Variants in NTNG2 observed in about 807,000 individuals in gnomAD.
NTNG2 encodes netrin G2, also known as netrin-G2.
A neutral mutation model predicts 47.6 loss-of-function variants in NTNG2; 15 were observed. The ratio of observed to expected loss-of-function variants is 0.32; its 90% CI spans 0.21 to 0.49. NTNG2 has a LOEUF of 0.49. Among genes scored for constraint, NTNG2 ranks in the 20% least tolerant of loss-of-function variants. NTNG2 has a pLI of 0.99. For synonymous variants in NTNG2, 307 were observed against 324.6 expected (o/e 0.95, Z 0.58); for missense variants, 578 against 764.6 (o/e 0.76, Z 2.88).
At chr9:132,192,658 G>A (rs1249701634) in intron 2 of NTNG2, among the ~76,000 whole-genome samples, 1 of 152,124 alleles carries the variant, frequency 6.6e-6, no homozygotes, top group Non-Finnish European at 1.5e-5. Flanking sequence ...GTTTGTAGAG[G>A]AAAAGGAAGG....
Position 132,218,925 on chromosome 9 carries a change from C to A in NTNG2, c.858-7924C>A, listed in dbSNP as rs1448744982. Among the ~76,000 whole-genome samples, 2 of 152,254 alleles carry A rather than the reference C, an allele frequency of 1.3e-5. No individual in the cohort carries two copies. Among genetic ancestry groups the A allele is most frequent in the African/African-American group, 4.8e-5 (2 of 41,472 alleles). ...CACATCCCGATCATTCATTCACTCA[C>A]AGCTTTACCCAGATGTGATTCACAC... is the stretch of plus-strand genomic sequence containing the variant. On this transcript the variant is annotated intron_variant, in intron 3 of 7. Transcript: ENST00000393229. This position sits in a 1 kb window ranked among gnomAD's most constrained non-coding sequence, Gnocchi z 5.4.
chr9:132,167,112 G>A, intron 2 of NTNG2, 68 bp downstream of exon 2: 3 of 1,543,994 alleles, frequency 1.9e-6, no homozygotes, highest in Admixed American at 3.6e-5. Flanking sequence ...AGATCCTTGG[G>A]GTGGACGAGC....
intron 5 of NTNG2, among the ~76,000 whole-genome samples, chr9:132,238,624 G>A (rs1019357763): frequency 3.3e-5 from 5 of 152,244 alleles, no homozygotes; most frequent in African/African-American, 1.2e-4. Flanking sequence ...CTGGCCCATT[G>A]CATCTTGTCC....
intron 2 of NTNG2, among the ~76,000 whole-genome samples, chr9:132,195,332 A>G (rs1838203301): frequency 6.6e-6 from 1 of 151,948 alleles, no homozygotes; most frequent in Non-Finnish European, 1.5e-5. Context: ...TTTTTGAGAC[A>G]AAGTCTCGCT....
intron 3 of NTNG2, among the ~76,000 whole-genome samples, chr9:132,207,304 G>A (rs1839237911): frequency 6.6e-6 from 1 of 152,214 alleles, no homozygotes; most frequent in African/African-American, 2.4e-5. Flanking sequence ...TCTGAAATCA[G>A]GGTGCAGCTG....
chr9:132,194,273 T>A (rs1838112198), intron 2 of NTNG2, among the ~76,000 whole-genome samples: 1 of 152,010 alleles, frequency 6.6e-6, no homozygotes, highest in Admixed American at 6.6e-5. Context: ...CCATCACTCC[T>A]CCTCCCGAGC....
chr9:132,189,064 C>CTTTTT (rs1179386814), intron 2 of NTNG2, among the ~76,000 whole-genome samples: 2 of 61,752 alleles, frequency 3.2e-5, no homozygotes, highest in African/African-American at 8.6e-5. Context: ...GGCTTTAAGC[C>CTTTTT]TTTCTTTTTT....
intron 2 of NTNG2, among the ~76,000 whole-genome samples, chr9:132,189,068 C>CTTTTTTTTTTTTTTT (rs749756559): frequency 0.043 from 3,985 of 93,214 alleles, 701 homozygotes; most frequent in Non-Finnish European, 0.052. Context: ...TTAAGCCTTT[C>CTTTTTTTTTTTTTTT]TTTTTTTTTT....
Position 132,179,935 on chromosome 9 carries a change from G to A in NTNG2, c.213+12891G>A, listed in dbSNP as rs146064838. Among the ~76,000 whole-genome samples the A allele has an allele frequency of 7.9e-3, 1,204 of 152,282 alleles. 13 individuals are homozygous for A. The highest frequency in any genetic ancestry group is 0.02 in the South Asian group (96 of 4,828). On this transcript the variant is annotated intron_variant, in intron 2 of 7. Transcript: ENST00000393229. ...GGGTCCCCTGACCTCTTGGGGTCTC[G>A]TTGGCAGGAGGGAATTGTATTGGAA...
chr9:132,198,423 G>T lies in NTNG2; in HGVS notation c.671G>T (p.Gly224Val). The change falls in exon 3 of 8, where the codon GGC becomes GTC. Residue 224 changes from glycine (G) to valine (V), a missense_variant. Physicochemically the swap from Gly to Val is moderately radical, Grantham distance 109. Coordinates refer to ENST00000393229, the MANE Select transcript of NTNG2 (RefSeq NM_032536.4). Reference sequence around the variant, plus strand: ...CGGGACCGCTTCGCCATCTTTGCCGGCCCCGACCTGCGCAACATGGACAAC... The same window carrying T: ...CGGGACCGCTTCGCCATCTTTGCCGTCCCCGACCTGCGCAACATGGACAAC... ...EVRDRFAIFA[G>V]PDLRNMDNLY... 1 of 1,613,062 alleles carries T rather than the reference G, an allele frequency of 6.2e-7. No homozygotes were observed. Among genetic ancestry groups the T allele is most frequent in the Non-Finnish European group, 8.5e-7 (1 of 1,179,966 alleles).
chr9:132,216,428 A>ATGTGTGTG (rs10578395), intron 3 of NTNG2, among the ~76,000 whole-genome samples: 1 of 87,650 alleles, frequency 1.1e-5, no homozygotes, highest in Non-Finnish European at 2.2e-5. Flanking sequence ...GTGTGTGTGT[A>ATGTGTGTG]TGTGTGTGTG....
chr9:132,179,479 C>T (rs527796651), intron 2 of NTNG2, among the ~76,000 whole-genome samples: 1 of 152,322 alleles, frequency 6.6e-6, no homozygotes, highest in East Asian at 1.9e-4. Flanking sequence ...AAAGAGTGCT[C>T]TGTGCCAGGA....
intron 2 of NTNG2, among the ~76,000 whole-genome samples, chr9:132,195,474 ATTTTTTTTTTT>A (rs56733654): frequency 5.0e-5 from 4 of 80,132 alleles, no homozygotes; most frequent in Middle Eastern, 7.7e-3. Flanking sequence ...ACGCCTGGCT[ATTTTTTTTTTT>A]TTTTTTTTTT....
intron 3 of NTNG2, among the ~76,000 whole-genome samples, chr9:132,214,013 C>T (rs564890972): frequency 1.3e-5 from 2 of 152,340 alleles, no homozygotes; most frequent in African/African-American, 4.8e-5. Flanking sequence ...GAGCCATTGC[C>T]GTGAACACTC....
intron 2 of NTNG2, among the ~76,000 whole-genome samples, chr9:132,179,501 G>T (rs1342292519): frequency 6.6e-6 from 1 of 152,208 alleles, no homozygotes; most frequent in Non-Finnish European, 1.5e-5. Context: ...GGCAAGGCCG[G>T]GTAGGATGGT....
intron 3 of NTNG2, among the ~76,000 whole-genome samples, chr9:132,224,597 A>G (rs2130920116): frequency 6.6e-6 from 1 of 152,338 alleles, no homozygotes; most frequent in Admixed American, 6.5e-5. Context: ...CCTGCCACAT[A>G]ACAGGTGCCT....
chr9:132,228,511 C>G (rs1840959890), intron 4 of NTNG2, among the ~76,000 whole-genome samples: 3 of 151,788 alleles, frequency 2.0e-5, no homozygotes, highest in African/African-American at 7.3e-5. Context: ...GAGGGCCGCT[C>G]TCTCTTCCCT....
rs1840767291 is a variant in NTNG2, at chr9:132,226,498, A to G, written c.858-351A>G. ...GTCACCCATCAACCCACATCAGTCA[A>G]AGGCTAGGGTGATCAGAAGCTGCAT... On this transcript the variant is annotated intron_variant, in intron 3 of 7. Coordinates refer to ENST00000393229, the MANE Select transcript of NTNG2 (RefSeq NM_032536.4). This position sits in a 1 kb window ranked among gnomAD's most constrained non-coding sequence, Gnocchi z 4.8. Among the ~76,000 whole-genome samples, 1 of 152,198 alleles carries G rather than the reference A, an allele frequency of 6.6e-6. No homozygotes were observed.
chr9:132,176,919 T>C (rs892279856), intron 2 of NTNG2, among the ~76,000 whole-genome samples: 15 of 152,234 alleles, frequency 9.9e-5, no homozygotes, highest in African/African-American at 3.6e-4. Flanking sequence ...TATCCCATTA[T>C]GGTCTTGATT....
Sources: allele counts gnomAD v4.1 joint callset (sites outside exome capture counted in the v4.1 genomes callset), GRCh38; gene constraint gnomAD v4.1.1; non-coding constraint Gnocchi (gnomAD v3.1); transcripts MANE v1.5; gene names NCBI Gene and HGNC (gene_info 2026-07-23, HGNC 2026-07-21).